Variants in FAT3 observed in about 807,000 individuals in gnomAD.
The protein encoded by FAT3 is FAT atypical cadherin 3, also known as protocadherin Fat 3.
FAT3 carries 95 observed loss-of-function variants against 310.2 expected under a neutral mutation model. That is an observed-to-expected ratio of 0.31 (90% CI 0.26 to 0.36). The LOEUF is 0.36. Ranked by LOEUF, FAT3 falls within the 10% of genes least tolerant of loss-of-function variation. The probability of loss-of-function intolerance (pLI) is 1.00; values close to 1 mark genes in which losing one functional copy is unlikely to be tolerated. For synonymous variants in FAT3, 2,314 were observed against 2,192.9 expected (o/e 1.06, Z -1.54); for missense variants, 5,408 against 5,715.6 (o/e 0.95, Z 1.74).
intron 2 of FAT3, among the ~76,000 whole-genome samples, chr11:92,414,230 A>G (rs1206434777): frequency 6.6e-6 from 1 of 152,192 alleles, no homozygotes; most frequent in African/African-American, 2.4e-5. Flanking sequence ...ACAAGCTGAG[A>G]GAGATCACGG....
rs115964264 is a variant in FAT3, at chr11:92,821,898, G to A, written c.9482-9724G>A. Among the ~76,000 whole-genome samples, 1,067 of 152,236 alleles carry A rather than the reference G, an allele frequency of 7.0e-3. 10 individuals are homozygous for A. Among genetic ancestry groups the A allele is most frequent in the African/African-American group, 0.024 (1,016 of 41,552 alleles). ...CAGATGCAGGGCCATGACACTCTACGATTTCTGTGTCAGAATCCTCTGGAG... is the reference window on the plus strand; with the variant it reads ...CAGATGCAGGGCCATGACACTCTACAATTTCTGTGTCAGAATCCTCTGGAG... On this transcript the variant is annotated intron_variant, in intron 13 of 27. Coordinates refer to ENST00000525166, the MANE Select transcript of FAT3 (RefSeq NM_001367949.2).
chr11:92,539,368 G>A (rs1370848619), intron 3 of FAT3, among the ~76,000 whole-genome samples: 2 of 152,082 alleles, frequency 1.3e-5, no homozygotes, highest in Admixed American at 6.6e-5. Context: ...AATATAGTTG[G>A]TGGATTTATA....
intron 6 of FAT3, 71 bp downstream of exon 6, chr11:92,765,160 A>AG (rs911266217): frequency 8.2e-6 from 11 of 1,338,128 alleles, no homozygotes; most frequent in African/African-American, 3.0e-5. Context: ...AAAAAAAAAA[A>AG]AAAGAAAGAA....
intron 19 of FAT3, among the ~76,000 whole-genome samples, chr11:92,849,110 A>C (rs1465709198): frequency 6.6e-6 from 1 of 152,226 alleles, no homozygotes; most frequent in East Asian, 1.9e-4. Flanking sequence ...TTTTTCAAAA[A>C]TTAAGGAAAC....
At chr11:92,618,915 A>G (rs1940950113) in intron 3 of FAT3, among the ~76,000 whole-genome samples, 1 of 151,960 alleles carries the variant, frequency 6.6e-6, no homozygotes, top group Non-Finnish European at 1.5e-5. Context: ...CCCTTTTCTT[A>G]TTCTTGATCT....
chr11:92,448,087 A>G (rs577213765), intron 2 of FAT3, among the ~76,000 whole-genome samples: 4 of 152,244 alleles, frequency 2.6e-5, no homozygotes, highest in Admixed American at 6.5e-5. Context: ...ACAAGTCTTT[A>G]TGCTTTTCTG....
At chr11:92,796,440 C>T (rs185711842) in intron 9 of FAT3, among the ~76,000 whole-genome samples, 2 of 152,116 alleles carry the variant, frequency 1.3e-5, no homozygotes, top group East Asian at 3.9e-4. Flanking sequence ...ATGAACATGA[C>T]CATTTTGTGT....
intron 3 of FAT3, among the ~76,000 whole-genome samples, chr11:92,583,684 C>A (rs751716929): frequency 2.0e-5 from 3 of 151,938 alleles, no homozygotes; most frequent in Non-Finnish European, 2.9e-5. Context: ...GCTCTTATAC[C>A]CTTCAACCGC....
chr11:92,487,843 G>T (rs755988328), intron 2 of FAT3, among the ~76,000 whole-genome samples: 11 of 152,148 alleles, frequency 7.2e-5, no homozygotes, highest in Non-Finnish European at 1.5e-4. Context: ...ACATGAGCAT[G>T]CACCACAGTC....
intron 2 of FAT3, among the ~76,000 whole-genome samples, chr11:92,446,631 T>G (rs1364521830): frequency 6.6e-6 from 1 of 152,198 alleles, no homozygotes; most frequent in East Asian, 1.9e-4. Context: ...TATTTTCACT[T>G]AAAAGAAGAC....
chr11:92,565,115 A>T (rs953584181), intron 3 of FAT3, among the ~76,000 whole-genome samples: 1 of 137,414 alleles, frequency 7.3e-6, no homozygotes, highest in African/African-American at 2.6e-5. Flanking sequence ...TTTTGAAAGG[A>T]TCAACAAAAT....
chr11:92,843,421 T>C (rs1948596929), intron 18 of FAT3, among the ~76,000 whole-genome samples: 1 of 152,264 alleles, frequency 6.6e-6, no homozygotes, highest in South Asian at 2.1e-4. Context: ...ATCAAGCTAC[T>C]TAGCTTTTCT....
At chr11:92,477,077 G>T (rs959785608) in intron 2 of FAT3, among the ~76,000 whole-genome samples, 1 of 152,214 alleles carries the variant, frequency 6.6e-6, no homozygotes, top group Non-Finnish European at 1.5e-5. Context: ...ATACCTGATG[G>T]TAAGTTCGTT....
At chr11:92,762,375 T>C (rs1460790399) in intron 5 of FAT3, among the ~76,000 whole-genome samples, 2 of 152,178 alleles carry the variant, frequency 1.3e-5, no homozygotes, top group Non-Finnish European at 2.9e-5. Context: ...TTTCCTTTGG[T>C]TGTGTCCTGT....
In FAT3 at chr11:92,883,596, A is replaced by G. The variant is rs1375451304; in HGVS notation, c.12937+203A>G. Among the ~76,000 whole-genome samples the G allele has an allele frequency of 6.6e-6, 1 of 152,192 alleles. No homozygotes were observed. Among genetic ancestry groups the G allele is most frequent in the African/African-American group, 2.4e-5 (1 of 41,452 alleles). On this transcript the variant is annotated intron_variant, in intron 24 of 27. Transcript: ENST00000525166. This position sits in a 1 kb window ranked among gnomAD's most constrained non-coding sequence, Gnocchi z 4.2. ...TACAGATGGGAGAAATGAAGCTCAG[A>G]GAGGGTAACATCATGAGCCCAAGGT...
At chr11:92,754,167 A>G (rs769943221) in intron 4 of FAT3, among the ~76,000 whole-genome samples, 1 of 152,104 alleles carries the variant, frequency 6.6e-6, no homozygotes, top group African/African-American at 2.4e-5. Context: ...AAAAATAAAG[A>G]CAATATTTTC....
intron 3 of FAT3, among the ~76,000 whole-genome samples, chr11:92,527,946 C>T (rs758518051): frequency 6.6e-6 from 1 of 152,084 alleles, no homozygotes; most frequent in Non-Finnish European, 1.5e-5. Context: ...GTAAACTAAG[C>T]TTTCATTTCC....
In FAT3 at chr11:92,801,152, T is replaced by C; in HGVS notation, c.8139T>C (p.Tyr2713=). The C allele has an allele frequency of 6.2e-7, 1 of 1,613,970 alleles. No individual in the cohort carries two copies. The highest frequency in any genetic ancestry group is 8.5e-7 in the Non-Finnish European group (1 of 1,179,880). Residue 2713 remains tyrosine, a synonymous_variant, in exon 10 of 28, where the codon TAT becomes TAC. Coordinates refer to ENST00000525166, the MANE Select transcript of FAT3 (RefSeq NM_001367949.2). The part of the protein sequence containing the change: ...TFLPSFTQSQ[Y]SFTIAEDTAI... Reference sequence around the variant, plus strand: ...TGCCATCATTCACCCAGTCTCAGTATTCCTTTACCATTGCAGAAGATACAG... The same window carrying C: ...TGCCATCATTCACCCAGTCTCAGTACTCCTTTACCATTGCAGAAGATACAG...
intron 3 of FAT3, among the ~76,000 whole-genome samples, chr11:92,527,246 G>C (rs1430539557): frequency 6.6e-6 from 1 of 152,142 alleles, no homozygotes; most frequent in Non-Finnish European, 1.5e-5. Context: ...GTTTTCACCA[G>C]CTTCATGAAC....
Sources: allele counts gnomAD v4.1 joint callset (sites outside exome capture counted in the v4.1 genomes callset), GRCh38; gene constraint gnomAD v4.1.1; non-coding constraint Gnocchi (gnomAD v3.1); transcripts MANE v1.5; gene names NCBI Gene and HGNC (gene_info 2026-07-23, HGNC 2026-07-21).